The following SYT10 variants were observed in gnomAD, a reference collection of about 807,000 sequenced individuals.
SYT10 encodes the protein synaptotagmin 10.
In SYT10, 31 loss-of-function variants were observed where a neutral mutation model predicts 51.1. The ratio of observed to expected loss-of-function variants is 0.61; its 90% CI spans 0.46 to 0.82. The LOEUF (loss-of-function observed/expected upper bound fraction) is 0.82, where lower values mean the gene tolerates loss of function less well. SYT10 is among the 40% of genes least tolerant of loss of function. The probability of loss-of-function intolerance (pLI) is 0.00; values close to 1 mark genes in which losing one functional copy is unlikely to be tolerated. For synonymous variants in SYT10, 233 were observed against 225.9 expected, an observed-to-expected ratio of 1.03 and a Z score of -0.28; for missense variants, 603 against 634.0, an observed-to-expected ratio of 0.95 and a Z score of 0.53.
chr12:33,406,309 T>C (rs1866352267), intron 3 of SYT10, among the ~76,000 whole-genome samples: 1 of 152,100 alleles, frequency 6.6e-6, no homozygotes, highest in Non-Finnish European at 1.5e-5. Flanking sequence ...TCTGAAATAA[T>C]GGGTTGTTTC....
chr12:33,438,186 C>T (rs1866653374), intron 1 of SYT10, among the ~76,000 whole-genome samples: 2 of 152,174 alleles, frequency 1.3e-5, no homozygotes, highest in African/African-American at 2.4e-5. Context: ...CCTCCCAGCA[C>T]GCAGGGCTCC....
chr12:33,425,910 A>C (rs1163604459), intron 2 of SYT10, among the ~76,000 whole-genome samples: 1 of 151,864 alleles, frequency 6.6e-6, no homozygotes, highest in Non-Finnish European at 1.5e-5. Flanking sequence ...CCTGCTCCCT[A>C]TTTGGCTTCT....
intron 5 of SYT10, 50 bp downstream of exon 5, chr12:33,382,299 G>T (rs1223017391): frequency 7.0e-7 from 1 of 1,429,678 alleles, no homozygotes. Context: ...AGTTTGGCCT[G>T]CGCATGACTA....
chr12:33,406,914 C>G lies in SYT10; in HGVS notation c.952G>C (p.Val318Leu). 1 of 1,614,018 alleles carries G rather than the reference C, an allele frequency of 6.2e-7. No homozygotes were observed. Among genetic ancestry groups the G allele is most frequent in the Admixed American group, 1.7e-5 (1 of 60,012 alleles). The change falls in exon 3 of 7, where the codon GTG (valine) becomes CTG (leucine). Residue 318 changes from valine to leucine, a missense_variant. Val to Leu is a conservative substitution (Grantham distance 32). Coordinates refer to ENST00000228567, the MANE Select transcript of SYT10 (RefSeq NM_198992.4). ...QLSNRKLHFS[V>L]YDFDRFSRHD... is the part of the protein sequence containing the mutation. Reference sequence around the variant, plus strand: ...CTAGAAAATCTGTCAAAATCATACACACTGAAATGTAGTTTTCGGTTGCTT... The same window carrying G: ...CTAGAAAATCTGTCAAAATCATACAGACTGAAATGTAGTTTTCGGTTGCTT...
rs1020062631 is a variant in SYT10 at position 33,401,142 on chromosome 12, T to C, written c.1077+5647A>G. Among the ~76,000 whole-genome samples the C allele has an allele frequency of 1.8e-4, 28 of 152,350 alleles. 1 individual carries two copies. The highest frequency in any genetic ancestry group is 6.7e-4 in the African/African-American group (28 of 41,578). On this transcript the variant is annotated intron_variant, in intron 3 of 6. Transcript: ENST00000228567. ...GCCACATGCTGCAAATCATTCTTTT[T>C]CTATAGTCATTCATCCAGTTTCTAC... is the stretch of plus-strand genomic sequence containing the variant.
At chr12:33,433,188 TTAGACAAAAGACC>T (rs1321725455) in intron 1 of SYT10, among the ~76,000 whole-genome samples, 3 of 152,194 alleles carry the variant, frequency 2.0e-5, no homozygotes, top group Non-Finnish European at 4.4e-5. Flanking sequence ...ATTGTGCCAG[TTAGACAAAAGACC>T]TATAATAATA....
chr12:33,409,220 G>C (rs1266369983), intron 2 of SYT10, among the ~76,000 whole-genome samples: 1 of 152,030 alleles, frequency 6.6e-6, no homozygotes, highest in Non-Finnish European at 1.5e-5. Context: ...CATGAAGCTC[G>C]ATTTCTTTTT....
intron 2 of SYT10, among the ~76,000 whole-genome samples, chr12:33,409,813 A>C (rs1866390636): frequency 1.3e-5 from 2 of 150,814 alleles, no homozygotes; most frequent in African/African-American, 4.9e-5. Flanking sequence ...ATACCATTTG[A>C]GAAGTAGTGA....
chr12:33,417,426 G>A (rs1866464124), intron 2 of SYT10, among the ~76,000 whole-genome samples: 1 of 152,100 alleles, frequency 6.6e-6, no homozygotes, highest in Admixed American at 6.5e-5. Context: ...AGTCCTCACC[G>A]GCAAGAAGAC....
At chr12:33,386,013 A>G (rs1344443624) in intron 3 of SYT10, among the ~76,000 whole-genome samples, 4 of 152,098 alleles carry the variant, frequency 2.6e-5, no homozygotes, top group African/African-American at 9.7e-5. Context: ...TGTAATTATT[A>G]AAAACATCCC....
At chr12:33,382,086 A>G (rs554826111) in intron 5 of SYT10, among the ~76,000 whole-genome samples, 6 of 152,276 alleles carry the variant, frequency 3.9e-5, no homozygotes, top group African/African-American at 1.4e-4. Flanking sequence ...AGACTCCACA[A>G]TAGTGCTTTC....
At chr12:33,401,146 T>C (rs57024920) in intron 3 of SYT10, among the ~76,000 whole-genome samples, 5,892 of 152,306 alleles carry the variant, frequency 0.039, 367 homozygotes, top group African/African-American at 0.13. Flanking sequence ...TCTTTTTCTA[T>C]AGTCATTCAT....
chr12:33,439,174 G>A (rs1283204393), intron 1 of SYT10, among the ~76,000 whole-genome samples, 198 bp downstream of exon 1: 2 of 152,258 alleles, frequency 1.3e-5, no homozygotes, highest in African/African-American at 4.8e-5. Context: ...CCCGGCAGGT[G>A]GACAGGAGGA....
intron 1 of SYT10, among the ~76,000 whole-genome samples, chr12:33,430,492 C>A (rs1434032943): frequency 6.6e-6 from 1 of 152,156 alleles, no homozygotes; most frequent in Non-Finnish European, 1.5e-5. Flanking sequence ...CATGATCATG[C>A]AGAAAAGCAC....
Position 33,424,117 on chromosome 12 carries a change from A to G in SYT10, c.509+2021T>C, listed in dbSNP as rs11052693. The stretch of plus-strand genomic sequence containing the variant: ...TTTCCTCTTACAAAATATCAGATAT[A>G]TACAATCTAACTTTTATGATTTTAA... On this transcript the variant is annotated intron_variant, in intron 2 of 6. Coordinates refer to ENST00000228567, the MANE Select transcript of SYT10 (RefSeq NM_198992.4). 6.0e-3 allele frequency: 2,247 copies of G among 373,538 alleles called. 51 individuals are homozygous for G. The highest frequency in any genetic ancestry group is 0.044 in the African/African-American group (2,066 of 47,136). 23.1% of individuals were successfully genotyped at this position (373,538 alleles called of 1,614,324 possible).
intron 3 of SYT10, among the ~76,000 whole-genome samples, chr12:33,386,955 G>A (rs1039732223): frequency 1.3e-5 from 2 of 152,132 alleles, no homozygotes; most frequent in Non-Finnish European, 2.9e-5. Flanking sequence ...CTGCATAGAT[G>A]GTGGACAAAT....
chr12:33,386,769 A>G (rs1428014211), intron 3 of SYT10, among the ~76,000 whole-genome samples: 1 of 152,144 alleles, frequency 6.6e-6, no homozygotes, highest in Non-Finnish European at 1.5e-5. Context: ...TGGCTGTCTT[A>G]CTTTCTACAA....
chr12:33,439,159 A>G (rs1866662433), intron 1 of SYT10, among the ~76,000 whole-genome samples: 2 of 152,228 alleles, frequency 1.3e-5, no homozygotes, highest in Admixed American at 1.3e-4. Context: ...AGAGAATGGG[A>G]GAAGCCCGGC....
chr12:33,420,707 A>G (rs185625257), intron 2 of SYT10, among the ~76,000 whole-genome samples: 363 of 152,274 alleles, frequency 2.4e-3, no homozygotes, highest in Middle Eastern at 0.01. Flanking sequence ...GTATAAGACA[A>G]TATTTATAAC....
Sources: gnomAD v4.1 joint callset for allele counts (sites outside exome capture counted in the v4.1 genomes callset) on GRCh38, gnomAD v4.1.1 for gene constraint, MANE v1.5 for transcripts, NCBI Gene and HGNC (gene_info 2026-07-23, HGNC 2026-07-21) for gene names.